The following DMD variants were observed in gnomAD, a reference collection of about 807,000 sequenced individuals.
DMD encodes the protein mutant dystrophin.
In DMD, 63 loss-of-function variants were observed where a neutral mutation model predicts 330.1. The ratio of observed to expected loss-of-function variants is 0.19; its 90% confidence interval spans 0.16 to 0.24. The LOEUF is 0.24. DMD is among the 10% of genes least tolerant of loss of function. DMD has a pLI of 1.00. For missense variants in DMD, 3,344 were observed against 2,684.1 expected, an observed-to-expected ratio of 1.25 and a Z score of -5.43; for synonymous variants, 1,223 against 959.8, an observed-to-expected ratio of 1.27 and a Z score of -5.07.
At chrX:31,491,782 A>G (rs1202628072) in intron 57 of DMD, among the ~76,000 whole-genome samples, 1 of 111,790 alleles carries the variant, frequency 8.9e-6, no homozygotes, top group East Asian at 2.8e-4. Context: ...ACAGCAATTG[A>G]TATTGACTGT....
At chrX:31,754,008 T>C (rs2088836569) in intron 51 of DMD, among the ~76,000 whole-genome samples, 1 of 111,447 alleles carries the variant, frequency 9.0e-6, no homozygotes, top group South Asian at 3.7e-4. Flanking sequence ...ATTTCAGGTG[T>C]ATAAAAAATA....
chrX:32,623,147 T>C (rs772113007), intron 11 of DMD, among the ~76,000 whole-genome samples: 5 of 111,296 alleles, frequency 4.5e-5, no homozygotes, highest in African/African-American at 9.8e-5. Context: ...ACTCTAAAGA[T>C]TGAAATAACT....
At chrX:32,444,894 G>A (rs914617484) in intron 27 of DMD, among the ~76,000 whole-genome samples, 3 of 110,823 alleles carry the variant, frequency 2.7e-5, no homozygotes, top group African/African-American at 9.8e-5. Flanking sequence ...GGGGTGGTTG[G>A]TATTCATTTC....
intron 7 of DMD, among the ~76,000 whole-genome samples, chrX:32,787,436 T>C (rs1415832633): frequency 1.8e-5 from 2 of 110,239 alleles, no homozygotes; most frequent in Non-Finnish European, 3.8e-5. Flanking sequence ...AGTGGGAAGG[T>C]CACAGGAAGA....
At chrX:33,096,949 T>G (rs1397563997) in intron 1 of DMD, among the ~76,000 whole-genome samples, 1 of 112,319 alleles carries the variant, frequency 8.9e-6, no homozygotes, top group Non-Finnish European at 1.9e-5. Flanking sequence ...CATAAGCAAA[T>G]TATAATGTCC....
intron 7 of DMD, among the ~76,000 whole-genome samples, chrX:32,783,239 CAT>C (rs773867536): frequency 8.5e-4 from 84 of 98,365 alleles, no homozygotes; most frequent in South Asian, 1.3e-3. Flanking sequence ...CGTATATACA[CAT>C]ATGTGTATAT....
intron 74 of DMD, among the ~76,000 whole-genome samples, chrX:31,152,222 G>A (rs1334909031): frequency 9.4e-6 from 1 of 106,167 alleles, no homozygotes; most frequent in Admixed American, 1.0e-4. Context: ...GGGGTGCAGT[G>A]GCACGATCTC....
chrX:32,199,950 G>A (rs999549496), intron 44 of DMD, among the ~76,000 whole-genome samples: 2 of 110,376 alleles, frequency 1.8e-5, no homozygotes, highest in African/African-American at 3.3e-5. Context: ...CACCATGCTT[G>A]GCCAGGAGCA....
At chrX:33,033,183 T>C (rs2094143964) in intron 1 of DMD, among the ~76,000 whole-genome samples, 1 of 110,929 alleles carries the variant, frequency 9.0e-6, no homozygotes, top group Non-Finnish European at 1.9e-5. Context: ...GAGTTGCTAA[T>C]ACTGATGACA....
At chrX:32,795,368 G>T (rs1161007126) in intron 7 of DMD, among the ~76,000 whole-genome samples, 1 of 111,937 alleles carries the variant, frequency 8.9e-6, no homozygotes, top group Non-Finnish European at 1.9e-5. Flanking sequence ...ATGCATTAGG[G>T]GGAAGGACAC....
At chrX:33,109,965 G>T (rs889584960) in intron 1 of DMD, among the ~76,000 whole-genome samples, 2 of 110,551 alleles carry the variant, frequency 1.8e-5, no homozygotes, top group African/African-American at 6.6e-5. Flanking sequence ...AAAAAAAAAA[G>T]GTTTTTTTGT....
At chrX:32,641,609 T>A (rs761232173) in intron 11 of DMD, 1 of 163,556 alleles carries the variant, frequency 6.1e-6, no homozygotes, top group Admixed American at 5.8e-5. Context: ...TAAATGTTCA[T>A]AGATTTTAGT....
intron 1 of DMD, among the ~76,000 whole-genome samples, chrX:33,110,697 T>C (rs951674956): frequency 3.6e-5 from 4 of 111,288 alleles, no homozygotes; most frequent in Admixed American, 1.9e-4. Context: ...CCTATCATGG[T>C]TCATGGACCC....
intron 7 of DMD, among the ~76,000 whole-genome samples, chrX:32,768,006 C>G (rs764119625): frequency 1.8e-5 from 2 of 111,764 alleles, no homozygotes; most frequent in Non-Finnish European, 3.8e-5. Flanking sequence ...TACACACACA[C>G]ATAACTTTAT....
chrX:33,159,845 C>T (rs2148659262), intron 1 of DMD, among the ~76,000 whole-genome samples: 1 of 111,393 alleles, frequency 9.0e-6, no homozygotes, highest in South Asian at 3.8e-4. Flanking sequence ...GTTCTAGATC[C>T]TTGAGGAATT....
intron 57 of DMD, among the ~76,000 whole-genome samples, chrX:31,493,911 G>A (rs1437631318): frequency 9.0e-6 from 1 of 111,132 alleles, no homozygotes; most frequent in Non-Finnish European, 1.9e-5. Context: ...TGTAATCCCA[G>A]CACTTTGGGA....
intron 60 of DMD, among the ~76,000 whole-genome samples, chrX:31,419,866 T>C (rs1055361207): frequency 4.5e-5 from 5 of 111,997 alleles, no homozygotes; most frequent in East Asian, 5.6e-4. Context: ...CCAGGACAGA[T>C]AGGATGTATC....
chrX:32,370,219 GT>G (rs138937492), intron 34 of DMD, among the ~76,000 whole-genome samples: 13,247 of 95,280 alleles, frequency 0.14, 822 homozygotes, highest in African/African-American at 0.22. Context: ...AAGTGGTAGT[GT>G]TTTTTTTTTT....
At chrX:32,154,434 C>G (rs2096821000) in intron 44 of DMD, among the ~76,000 whole-genome samples, 1 of 112,213 alleles carries the variant, frequency 8.9e-6, no homozygotes, top group Non-Finnish European at 1.9e-5. Context: ...TATACGATGA[C>G]ATAGTATGCA....
Sources: allele counts gnomAD v4.1 joint callset (sites outside exome capture counted in the v4.1 genomes callset), GRCh38; gene constraint gnomAD v4.1.1; transcripts MANE v1.5; gene names NCBI Gene and HGNC (gene_info 2026-07-23, HGNC 2026-07-21).